The following RFT1 variants were observed in gnomAD, a reference collection of about 807,000 sequenced individuals.
RFT1 encodes the protein man(5)GlcNAc(2)-PP-dolichol translocation protein RFT1.
RFT1 carries 43 observed loss-of-function variants against 62.2 expected under a neutral mutation model. The observed-to-expected ratio is 0.69, with a 90% CI of 0.54 to 0.89. The LOEUF (loss-of-function observed/expected upper bound fraction) is 0.89. RFT1 is among the 40% of genes least tolerant of loss of function. The probability of loss-of-function intolerance (pLI) is 0.00; values close to 1 mark genes in which losing one functional copy is unlikely to be tolerated. For synonymous variants in RFT1, 262 were observed against 264.6 expected (o/e 0.99, Z 0.10); for missense variants, 605 against 649.9 (o/e 0.93, Z 0.75).
intron 11 of RFT1, 73 bp from the exon 12 acceptor site, chr3:53,092,691 A>G (rs2107072600): frequency 6.5e-7 from 1 of 1,528,840 alleles, no homozygotes; most frequent in South Asian, 1.2e-5. Context: ...AACAGCGGCC[A>G]TGAACATCAA....
the RFT1 span, among the ~76,000 whole-genome samples, chr3:53,071,285 C>T: frequency 1.3e-5 from 2 of 152,148 alleles, no homozygotes; most frequent in Non-Finnish European, 2.9e-5. Flanking sequence ...CCTGAGCCGG[C>T]GTGTCCCCAT....
intron 6 of RFT1, among the ~76,000 whole-genome samples, chr3:53,117,390 G>T (rs984516531): frequency 3.9e-5 from 6 of 152,092 alleles, no homozygotes; most frequent in African/African-American, 1.4e-4. Flanking sequence ...AGTCCCACAG[G>T]CTTCAGATCT....
chr3:53,109,227 A>C (rs1701578505), intron 7 of RFT1, among the ~76,000 whole-genome samples: 1 of 152,136 alleles, frequency 6.6e-6, no homozygotes, highest in Admixed American at 6.6e-5. Context: ...TTTTGGCAAA[A>C]TAGACCTCTC....
the RFT1 span, among the ~76,000 whole-genome samples, chr3:53,079,946 A>C: frequency 6.6e-6 from 1 of 152,202 alleles, no homozygotes; most frequent in Admixed American, 6.5e-5. Context: ...GTGGGGGTGC[A>C]GGGGTGTCCT....
At chr3:53,067,574 G>A in the RFT1 span, among the ~76,000 whole-genome samples, 4 of 152,084 alleles carry the variant, frequency 2.6e-5, no homozygotes, top group Non-Finnish European at 5.9e-5. Flanking sequence ...CGGTTACACA[G>A]GTGTGCACCT....
intron 9 of RFT1, among the ~76,000 whole-genome samples, chr3:53,104,494 G>A (rs962913410): frequency 2.6e-5 from 4 of 151,880 alleles, no homozygotes; most frequent in Non-Finnish European, 5.9e-5. Flanking sequence ...CTCCCAAAGC[G>A]TGAGGCTTAC....
downstream of RFT1, among the ~76,000 whole-genome samples, chr3:53,083,815 CA>C (rs1417641271): frequency 6.6e-6 from 1 of 152,244 alleles, no homozygotes; most frequent in Non-Finnish European, 1.5e-5. Flanking sequence ...CCGACATCTG[CA>C]CATCTGCGAG....
At chr3:53,098,825 A>AAAAG (rs1701227992) in intron 11 of RFT1, among the ~76,000 whole-genome samples, 5 of 150,724 alleles carry the variant, frequency 3.3e-5, no homozygotes, top group Non-Finnish European at 7.4e-5. Context: ...AAAAAAAAAA[A>AAAAG]AGAACCACTG....
intron 5 of RFT1, among the ~76,000 whole-genome samples, chr3:53,121,172 G>A (rs1266049172): frequency 2.0e-5 from 3 of 152,186 alleles, no homozygotes; most frequent in Non-Finnish European, 4.4e-5. Context: ...AGGAAACAAT[G>A]AGATGGAAAT....
intron 11 of RFT1, 47 bp downstream of exon 11, chr3:53,099,334 T>C (rs747280651): frequency 6.8e-7 from 1 of 1,471,732 alleles, no homozygotes; most frequent in South Asian, 1.1e-5. Flanking sequence ...AGTTATTTCA[T>C]TTTGGCTGAA....
chr3:53,124,680 G>A (rs1702061098), intron 2 of RFT1, among the ~76,000 whole-genome samples: 1 of 152,116 alleles, frequency 6.6e-6, no homozygotes, highest in Admixed American at 6.5e-5. Context: ...GTATTTCTTA[G>A]GGCCAAGTGC....
chr3:53,116,132 A>G (rs1701784542), intron 6 of RFT1, among the ~76,000 whole-genome samples: 2 of 152,210 alleles, frequency 1.3e-5, no homozygotes, highest in Non-Finnish European at 2.9e-5. Flanking sequence ...CAGGAAGGGA[A>G]ATCTTACAAT....
At chr3:53,106,179 G>A (rs1379419798) in intron 8 of RFT1, among the ~76,000 whole-genome samples, 2 of 152,186 alleles carry the variant, frequency 1.3e-5, no homozygotes, top group Non-Finnish European at 2.9e-5. Flanking sequence ...GCTGCAGTGA[G>A]CTGTGATGGT....
intron 11 of RFT1, among the ~76,000 whole-genome samples, chr3:53,098,715 T>C (rs1253573243): frequency 7.3e-6 from 1 of 137,862 alleles, no homozygotes; most frequent in Non-Finnish European, 1.5e-5. Flanking sequence ...GGCAGGAGAA[T>C]GGCGTGAACC....
At position 53,091,922 on chromosome 3, in the gene RFT1, C is replaced by T. The variant is rs781398694; in HGVS notation, c.1607G>A (p.Arg536His). ...CTGAAGTCATGTCATTTTGTCAGTG[C>T]GTCTGGGCACACCTAACTGAGTCCT... ...FLRTQLGVPR[R>H]TDKMT is the part of the protein sequence containing the mutation. The change falls in exon 13 of 13, where the codon CGC becomes CAC. Residue 536 changes from arginine (R) to histidine (H), a missense_variant. Physicochemically the swap from Arg to His is conservative, Grantham distance 29. Transcript: ENST00000296292. The T allele has an allele frequency of 1.9e-5, 31 of 1,614,088 alleles. No individual in the cohort carries two copies. Among genetic ancestry groups the T allele is most frequent in the Middle Eastern group, 3.3e-4 (2 of 6,076 alleles).
chr3:53,125,067 A>G (rs988304514), intron 2 of RFT1, among the ~76,000 whole-genome samples: 1 of 152,238 alleles, frequency 6.6e-6, no homozygotes, highest in Non-Finnish European at 1.5e-5. Flanking sequence ...TAAGGAGCTT[A>G]TAAAAATTCA....
rs989921280 is a variant in RFT1, at chr3:53,090,640, A to G, written c.*1263T>C. On this transcript the variant is annotated 3_prime_UTR_variant, in exon 13 of 13. Transcript: ENST00000296292. ...TTAATGCATGATAGGAGTTGCCCTT[A>G]CTGGCCCTCTCTCTAGGTGTAGACA... The G allele has an allele frequency of 3.9e-5, 6 of 152,248 alleles. No individual in the cohort carries two copies. Among genetic ancestry groups the G allele is most frequent in the African/African-American group, 1.4e-4 (6 of 41,460 alleles). The allele number at this position is 152,248 out of a possible 1,614,324, so 9.4% of individuals were successfully genotyped here. A position where few individuals can be genotyped will look rare whatever the true frequency, so the allele number is the denominator to read the frequency against.
chr3:53,073,993 G>A, the RFT1 span, among the ~76,000 whole-genome samples: 1 of 152,208 alleles, frequency 6.6e-6, no homozygotes, highest in South Asian at 2.1e-4. Context: ...CCATGAAGCA[G>A]AAGCAGTTAG....
At chr3:53,094,806 C>T (rs1701095941) in intron 11 of RFT1, among the ~76,000 whole-genome samples, 1 of 151,822 alleles carries the variant, frequency 6.6e-6, no homozygotes, top group Admixed American at 6.6e-5. Flanking sequence ...CATTCGACAG[C>T]ACAGCCTCTT....
Sources: gnomAD v4.1 joint callset for allele counts (sites outside exome capture counted in the v4.1 genomes callset) on GRCh38, gnomAD v4.1.1 for gene constraint, MANE v1.5 for transcripts, NCBI Gene and HGNC (gene_info 2026-07-23, HGNC 2026-07-21) for gene names.